The following FRMPD4 variants were observed in gnomAD, a reference collection of about 807,000 sequenced individuals.
FRMPD4 encodes the protein FERM and PDZ domain-containing protein 4.
In FRMPD4, 22 loss-of-function variants were observed where a neutral mutation model predicts 94.1. The ratio of observed to expected loss-of-function variants is 0.23; its 90% CI spans 0.17 to 0.33. The LOEUF (loss-of-function observed/expected upper bound fraction) is 0.33. Ranked by LOEUF, FRMPD4 falls within the 10% of genes least tolerant of loss-of-function variation. FRMPD4 has a pLI of 1.00. For synonymous variants in FRMPD4, 631 were observed against 548.6 expected (o/e 1.15, Z -2.10); for missense variants, 1,111 against 1,339.9 (o/e 0.83, Z 2.67).
intron 1 of FRMPD4, among the ~76,000 whole-genome samples, chrX:12,423,926 G>A (rs1264036140): frequency 2.8e-5 from 3 of 108,048 alleles, no homozygotes; most frequent in Non-Finnish European, 3.9e-5. Flanking sequence ...CCACCATGTT[G>A]TCTTATACTG....
chrX:12,550,406 G>A (rs1299168225), intron 2 of FRMPD4, among the ~76,000 whole-genome samples: 1 of 110,800 alleles, frequency 9.0e-6, no homozygotes, highest in Non-Finnish European at 1.9e-5. Context: ...AAAGATGTTA[G>A]CATGCTCTTT....
chrX:12,131,852 T>G (rs1223006189), intron 3 of FRMPD4, among the ~76,000 whole-genome samples: 1 of 112,205 alleles, frequency 8.9e-6, no homozygotes, highest in Non-Finnish European at 1.9e-5. Context: ...TTTCTCTAAC[T>G]TACAGGGTTA....
chrX:12,181,240 G>A (rs1437991952), intron 1 of FRMPD4, among the ~76,000 whole-genome samples: 2 of 111,864 alleles, frequency 1.8e-5, no homozygotes, highest in African/African-American at 6.5e-5. Context: ...GACCTGTCAT[G>A]TGGCAGGAGG....
chrX:12,622,015 AAAGGAAGG>A (rs1398023082), intron 4 of FRMPD4, among the ~76,000 whole-genome samples: 11 of 21,996 alleles, frequency 5.0e-4, no homozygotes, highest in African/African-American at 8.5e-4. Context: ...AGAAAGAAAG[AAAGGAAGG>A]AAGGAAGGAA....
At chrX:12,016,748 A>G (rs558282365) in intron 3 of FRMPD4, among the ~76,000 whole-genome samples, 2 of 112,386 alleles carry the variant, frequency 1.8e-5, no homozygotes, top group East Asian at 5.6e-4. Context: ...GTACAACTAA[A>G]GTTAGAGAAC....
chrX:11,856,014 C>T (rs1334105553), intron 1 of FRMPD4, among the ~76,000 whole-genome samples: 1 of 112,199 alleles, frequency 8.9e-6, no homozygotes, highest in Middle Eastern at 4.6e-3. Context: ...AATTGACTTA[C>T]AATTCCACAC....
At chrX:12,417,365 G>A (rs1310221095) in intron 1 of FRMPD4, among the ~76,000 whole-genome samples, 15 of 108,587 alleles carry the variant, frequency 1.4e-4, no homozygotes, top group African/African-American at 2.7e-4. Context: ...GATCACCTGC[G>A]GTCAGGAGTT....
At chrX:12,541,536 C>A (rs1267728672) in intron 2 of FRMPD4, among the ~76,000 whole-genome samples, 1 of 111,532 alleles carries the variant, frequency 9.0e-6, no homozygotes, top group East Asian at 2.8e-4. Flanking sequence ...CAAGACTAAA[C>A]CAGGAAGAAC....
At chrX:12,275,008 C>CA (rs1342657452) in intron 1 of FRMPD4, among the ~76,000 whole-genome samples, 10 of 111,723 alleles carry the variant, frequency 9.0e-5, no homozygotes, top group Non-Finnish European at 1.3e-4. Flanking sequence ...GACTCCATCT[C>CA]AAAAAAATAA....
intron 1 of FRMPD4, among the ~76,000 whole-genome samples, chrX:12,302,095 C>T (rs2054870307): frequency 8.9e-6 from 1 of 112,200 alleles, no homozygotes; most frequent in South Asian, 3.7e-4. Context: ...CCCAAGATAA[C>T]CACTTCAGAA....
intron 1 of FRMPD4, among the ~76,000 whole-genome samples, chrX:12,235,904 G>A (rs1266020623): frequency 1.1e-4 from 12 of 111,709 alleles, no homozygotes; most frequent in Non-Finnish European, 1.7e-4. Flanking sequence ...ACATCGTAGG[G>A]ATGCTGTGAA....
chrX:12,279,794 A>G (rs2054496394), intron 1 of FRMPD4, among the ~76,000 whole-genome samples: 1 of 110,741 alleles, frequency 9.0e-6, no homozygotes, highest in Non-Finnish European at 1.9e-5. Context: ...ATTGCTCCAA[A>G]AGATTCCCAG....
chrX:12,487,149 A>G (rs754231002), intron 1 of FRMPD4, among the ~76,000 whole-genome samples: 2 of 112,163 alleles, frequency 1.8e-5, no homozygotes, highest in South Asian at 7.5e-4. Flanking sequence ...TTCTAAAGAC[A>G]TAAACCATAA....
intron 4 of FRMPD4, among the ~76,000 whole-genome samples, chrX:12,663,029 G>A (rs180709145): frequency 2.0e-3 from 226 of 112,021 alleles, no homozygotes; most frequent in African/African-American, 6.4e-3. Flanking sequence ...CATATCCTTC[G>A]CCCATTTTTT....
intron 7 of FRMPD4, among the ~76,000 whole-genome samples, chrX:12,686,995 A>G (rs1324432607): frequency 1.8e-5 from 2 of 112,185 alleles, no homozygotes; most frequent in East Asian, 5.6e-4. Context: ...AAGAGTACCT[A>G]GTGATTATCT....
At chrX:12,190,937 CAA>C (rs759487450) in intron 1 of FRMPD4, among the ~76,000 whole-genome samples, 1 of 111,492 alleles carries the variant, frequency 9.0e-6, no homozygotes, top group South Asian at 3.7e-4. Flanking sequence ...TTCTCTTCTG[CAA>C]AAGACACTGT....
rs146099859 is a variant in FRMPD4, at chrX:12,262,850, A to C, written c.41+123838A>C. Among the ~76,000 whole-genome samples the C allele has an allele frequency of 1.0e-3, 112 of 111,784 alleles. 1 individual carries two copies. The highest frequency in any genetic ancestry group is 1.6e-3 in the African/African-American group (49 of 30,789). Reference sequence around the variant, plus strand: ...AATCCTTGGGACATGGAAACATTTCATGAAATGGGGATTGCTATGGTTAGT... The same window carrying C: ...AATCCTTGGGACATGGAAACATTTCCTGAAATGGGGATTGCTATGGTTAGT... On this transcript the variant is annotated intron_variant, in intron 1 of 16. Coordinates refer to ENST00000675598, the MANE Select transcript of FRMPD4 (RefSeq NM_001368397.1).
chrX:12,606,914 T>C (rs73446828), intron 2 of FRMPD4, among the ~76,000 whole-genome samples: 253 of 111,479 alleles, frequency 2.3e-3, no homozygotes, highest in African/African-American at 7.8e-3. Flanking sequence ...AACCAAAGTG[T>C]CCACCATGCC....
chrX:12,236,787 G>T (rs1300181731), intron 1 of FRMPD4, among the ~76,000 whole-genome samples: 1 of 112,249 alleles, frequency 8.9e-6, no homozygotes, highest in Non-Finnish European at 1.9e-5. Context: ...GCATATTGCA[G>T]TGTTGATGGA....
Sources: gnomAD v4.1 joint callset for allele counts (sites outside exome capture counted in the v4.1 genomes callset) on GRCh38, gnomAD v4.1.1 for gene constraint, MANE v1.5 for transcripts, NCBI Gene and HGNC (gene_info 2026-07-23, HGNC 2026-07-21) for gene names.